Variants in PACSIN2 observed in about 807,000 individuals in gnomAD.
The protein encoded by PACSIN2 is protein kinase C and casein kinase substrate in neurons protein 2.
A neutral mutation model predicts 63.8 loss-of-function variants in PACSIN2; 25 were observed. That is an observed-to-expected ratio of 0.39 (90% CI 0.29 to 0.55). PACSIN2 has a LOEUF of 0.55. Among genes scored for constraint, PACSIN2 ranks in the 20% least tolerant of loss-of-function variants. The probability of loss-of-function intolerance (pLI) is 0.62; values close to 1 mark genes in which losing one functional copy is unlikely to be tolerated. For missense variants in PACSIN2, 518 were observed against 646.9 expected, an observed-to-expected ratio of 0.80 and a Z score of 2.16; for synonymous variants, 255 against 256.2, an observed-to-expected ratio of 1.00 and a Z score of 0.05.
intron 1 of PACSIN2, among the ~76,000 whole-genome samples, chr22:43,005,234 C>T (rs1430441780): frequency 6.6e-6 from 1 of 152,180 alleles, no homozygotes; most frequent in Non-Finnish European, 1.5e-5. Flanking sequence ...TAGGGATAAG[C>T]TATCATTACC....
intron 6 of PACSIN2, among the ~76,000 whole-genome samples, chr22:42,883,153 C>T (rs557126415): frequency 7.2e-5 from 11 of 152,292 alleles, no homozygotes; most frequent in African/African-American, 2.6e-4. Context: ...AGCATCCACA[C>T]GATGGGAGTC....
rs532732451 is a variant in PACSIN2, at chr22:42,971,541, A to C, written c.-78+43480T>G. On this transcript the variant is annotated intron_variant, in intron 1 of 10. Transcript: ENST00000263246. ...GAAGTGAGGAGCGTCTCTGCCTGGC[A>C]GCCCATCGTCTGGGATGTGAGGAGC... 5.5e-4 allele frequency among the ~76,000 whole-genome samples: 83 copies of C among 150,918 alleles called. 1 individual carries two copies. Among genetic ancestry groups the C allele is most frequent in the Admixed American group, 3.0e-3 (45 of 15,192 alleles).
rs542292979 is a variant in PACSIN2, at chr22:42,903,898, C to T, written c.60+8123G>A. On this transcript the variant is annotated intron_variant, in intron 2 of 10. Transcript: ENST00000263246. ...TATCCTCTGTTCCTGAAACCTGTAT[C>T]CTCAAGTACGAAGGTGAAGAAAATG... Among the ~76,000 whole-genome samples the T allele has an allele frequency of 3.3e-5, 5 of 152,234 alleles. No individual in the cohort carries two copies. The South Asian group carries it at 1.0e-3, about 32-fold the overall frequency.
chr22:42,968,821 G>A (rs1044187599), intron 1 of PACSIN2, among the ~76,000 whole-genome samples: 5 of 152,184 alleles, frequency 3.3e-5, no homozygotes, highest in Non-Finnish European at 5.9e-5. Context: ...CCAGCCTTTG[G>A]ACTCCTGGAC....
At chr22:42,912,202 G>T in intron 1 of PACSIN2, 45 bp from the exon 2 acceptor site, 2 of 643,610 alleles carry the variant, frequency 3.1e-6, no homozygotes, top group South Asian at 2.2e-5. Flanking sequence ...AAATTCCCAA[G>T]GTAAAGAAAC....
intron 8 of PACSIN2, among the ~76,000 whole-genome samples, chr22:42,877,940 C>T (rs1928770601): frequency 6.6e-6 from 1 of 152,230 alleles, no homozygotes; most frequent in Admixed American, 6.5e-5. Flanking sequence ...GAGGACATGC[C>T]TCCAATGCCA....
chr22:42,881,552 T>G (rs1047035471), intron 7 of PACSIN2, among the ~76,000 whole-genome samples: 7 of 152,202 alleles, frequency 4.6e-5, no homozygotes, highest in Non-Finnish European at 1.0e-4. Flanking sequence ...CCAGGACCTT[T>G]GCCCACTGCC....
intron 1 of PACSIN2, among the ~76,000 whole-genome samples, chr22:43,004,659 A>C (rs1923977235): frequency 6.6e-6 from 1 of 152,262 alleles, no homozygotes; most frequent in Non-Finnish European, 1.5e-5. Context: ...ATGCAGTTTA[A>C]AACATGAAAA....
chr22:42,889,140 T>C (rs1033972841), intron 4 of PACSIN2, among the ~76,000 whole-genome samples: 1 of 151,856 alleles, frequency 6.6e-6, no homozygotes, highest in African/African-American at 2.4e-5. Context: ...GGAGGACAAC[T>C]GAGACGGAGC....
chr22:42,992,279 TG>T (rs2146905050), intron 1 of PACSIN2, among the ~76,000 whole-genome samples: 1 of 152,326 alleles, frequency 6.6e-6, no homozygotes, highest in East Asian at 1.9e-4. Context: ...TACCAAGTGT[TG>T]GTGAGGATGT....
At chr22:42,889,868 T>C (rs1398530871) in intron 4 of PACSIN2, among the ~76,000 whole-genome samples, 2 of 151,672 alleles carry the variant, frequency 1.3e-5, no homozygotes, top group South Asian at 4.1e-4. Flanking sequence ...TAAAAACCTA[T>C]GCAAGAGAAA....
At chr22:42,878,590 G>A (rs1928825975) in intron 8 of PACSIN2, among the ~76,000 whole-genome samples, 1 of 152,204 alleles carries the variant, frequency 6.6e-6, no homozygotes, top group East Asian at 1.9e-4. Context: ...GGAGATGCCT[G>A]GCAGTCCTCT....
At chr22:42,992,037 G>A (rs1175207993) in intron 1 of PACSIN2, among the ~76,000 whole-genome samples, 1 of 152,124 alleles carries the variant, frequency 6.6e-6, no homozygotes, top group Non-Finnish European at 1.5e-5. Flanking sequence ...TAAAACTTCT[G>A]TTCTTCAAAA....
At chr22:42,937,171 G>A (rs1932951500) in intron 1 of PACSIN2, among the ~76,000 whole-genome samples, 1 of 152,126 alleles carries the variant, frequency 6.6e-6, no homozygotes, top group Admixed American at 6.5e-5. Flanking sequence ...AGAAATAAGC[G>A]AGGATGAGAT....
At chr22:42,951,800 A>G (rs913735461) in intron 1 of PACSIN2, among the ~76,000 whole-genome samples, 4 of 152,152 alleles carry the variant, frequency 2.6e-5, no homozygotes, top group Non-Finnish European at 5.9e-5. Flanking sequence ...CACCCTGATT[A>G]CAAGGTCCCA....
intron 1 of PACSIN2, among the ~76,000 whole-genome samples, chr22:42,922,235 C>T (rs980979850): frequency 6.6e-6 from 1 of 152,222 alleles, no homozygotes; most frequent in African/African-American, 2.4e-5. Flanking sequence ...AGGCTGGAAG[C>T]TGGCATAACC....
At chr22:42,983,573 T>C (rs1922399162) in intron 1 of PACSIN2, among the ~76,000 whole-genome samples, 1 of 151,994 alleles carries the variant, frequency 6.6e-6, no homozygotes, top group Non-Finnish European at 1.5e-5. Context: ...CAGTTCTAAT[T>C]AGTAAACTGA....
At chr22:42,888,928 T>C (rs1929695721) in intron 4 of PACSIN2, 130 bp from the exon 5 acceptor site, 3 of 836,092 alleles carry the variant, frequency 3.6e-6, no homozygotes, top group Non-Finnish European at 5.9e-6. Context: ...ATTGTATGTA[T>C]ACTATCATAG....
At position 42,891,133 on chromosome 22, in the gene PACSIN2, C is replaced by T. The variant is rs1043652791; in HGVS notation, c.267G>A (p.Glu89=). 6.2e-6 allele frequency: 10 copies of T among 1,613,990 alleles called. No homozygotes were observed. The highest frequency in any genetic ancestry group is 1.7e-5 in the Admixed American group (1 of 60,002). Residue 89 remains glutamate, a synonymous_variant, in exon 4 of 11, where the codon GAG becomes GAA. Transcript: ENST00000263246. ...GGTGCAGCTCGCTCACCCTCTCTGC[C>T]TCGGACATGAAGGCCATCCAGGCCT... ...VEKAWMAFMS[E]AERVSELHLE... is the part of the protein sequence containing the mutation.
Sources: allele counts gnomAD v4.1 joint callset (sites outside exome capture counted in the v4.1 genomes callset), GRCh38; gene constraint gnomAD v4.1.1; transcripts MANE v1.5; gene names NCBI Gene and HGNC (gene_info 2026-07-23, HGNC 2026-07-21).